The following WNK1 variants were observed in gnomAD, a reference collection of about 807,000 sequenced individuals.
WNK1 encodes the protein serine/threonine-protein kinase WNK1.
A neutral mutation model predicts 222.8 loss-of-function variants in WNK1; 38 were observed. The ratio of observed to expected loss-of-function variants is 0.17; its 90% CI spans 0.13 to 0.22. The LOEUF is 0.22. WNK1 is among the 10% of genes least tolerant of loss of function. The pLI is 1.00. For missense variants in WNK1, 2,348 were observed against 2,918.4 expected (o/e 0.80, Z 4.50); for synonymous variants, 1,090 against 1,092.9 (o/e 1.00, Z 0.05).
At chr12:908,208 T>A in intron 27 of WNK1, 174 bp downstream of exon 27, 2 of 904,458 alleles carry the variant, frequency 2.2e-6, no homozygotes, top group Non-Finnish European at 3.4e-6. Context: ...CCTGAATTCC[T>A]AACCTCTTGT....
In WNK1 at chr12:896,495, A is replaced by C; in HGVS notation, c.6008A>C (p.Glu2003Ala). The C allele has an allele frequency of 6.2e-7, 1 of 1,613,906 alleles. No individual in the cohort carries two copies. The highest frequency in any genetic ancestry group is 1.1e-5 in the South Asian group (1 of 91,066). The stretch of plus-strand genomic sequence containing the variant: ...AAGAAAGAGAAGCCTGAACTGTCAG[A>C]GCCTTCACATCTAAATGGGCCGTCT... ...IPKKEKPELS[E>A]PSHLNGPSSD... The change falls in exon 24 of 28, where the codon GAG (glutamate) becomes GCG (alanine). Residue 2003 changes from glutamate (E) to alanine (A), a missense_variant. Around this residue, in one of 13 missense-constraint regions of WNK1, gnomAD observed 1,144 missense variants for 1,273.6 expected, o/e 0.90. Coordinates refer to ENST00000315939, the MANE Select transcript of WNK1 (RefSeq NM_018979.4).
At chr12:800,143 C>CA (rs202123316) in intron 1 of WNK1, among the ~76,000 whole-genome samples, 4 of 150,828 alleles carry the variant, frequency 2.7e-5, no homozygotes, top group African/African-American at 7.3e-5. Context: ...GACCCTCTGT[C>CA]AAAAAAAAAT....
intron 4 of WNK1, among the ~76,000 whole-genome samples, chr12:835,635 TA>T (rs879538540): frequency 0.014 from 2,070 of 145,450 alleles, 18 homozygotes; most frequent in African/African-American, 0.017. Context: ...TCAGTTTTGT[TA>T]AAAAAAAAAA....
intron 2 of WNK1, among the ~76,000 whole-genome samples, chr12:817,063 G>T (rs1487200125): frequency 6.6e-6 from 1 of 152,146 alleles, no homozygotes; most frequent in African/African-American, 2.4e-5. Flanking sequence ...ATGGTCTAAC[G>T]GTTAAACAGC....
rs71051383 is a variant in WNK1, at chr12:786,469, C to CTT, written c.760-27159_760-27158dup. Reference sequence around the variant, plus strand: ...TGTTTTATTTGTTCCTCTATCTTCCCTTTTTTTTTTTTTTTGAGACAGAAT... The same window carrying CTT: ...TGTTTTATTTGTTCCTCTATCTTCCCTTTTTTTTTTTTTTTTTGAGACAGAAT... On this transcript the variant is annotated intron_variant, in intron 1 of 27. Transcript: ENST00000315939. Among the ~76,000 whole-genome samples the CTT allele has an allele frequency of 2.5e-3, 350 of 139,622 alleles. 3 individuals are homozygous for CTT. The highest frequency in any genetic ancestry group is 8.5e-3 in the East Asian group (41 of 4,832). The allele number at this position is 139,622 out of a possible 152,430, so 91.6% of individuals were successfully genotyped here.
At chr12:837,712 A>G (rs2158501) in intron 4 of WNK1, among the ~76,000 whole-genome samples, 75,323 of 152,008 alleles carry the variant, frequency 0.5, 19,283 homozygotes, top group East Asian at 0.81. Context: ...TTAGGTTGCA[A>G]TTAGTCCACA....
intron 1 of WNK1, among the ~76,000 whole-genome samples, chr12:764,225 C>A (rs1389864839): frequency 6.8e-6 from 1 of 147,722 alleles, no homozygotes; most frequent in East Asian, 2.0e-4. Context: ...AATAAAATTT[C>A]AAGAAAATAA....
At chr12:837,588 A>AGG (rs34618945) in intron 4 of WNK1, among the ~76,000 whole-genome samples, 1 of 133,464 alleles carries the variant, frequency 7.5e-6, no homozygotes, top group Non-Finnish European at 1.6e-5. Flanking sequence ...AAAAAAAAAA[A>AGG]AAAAGAAAAG....
At chr12:907,768 T>G in intron 26 of WNK1, 79 bp from the exon 27 acceptor site, 1 of 1,522,326 alleles carries the variant, frequency 6.6e-7, no homozygotes, top group South Asian at 1.1e-5. Flanking sequence ...TTGCCATTCA[T>G]CATCCCGTGA....
chr12:809,225 GAAAA>G (rs67749492), intron 1 of WNK1, among the ~76,000 whole-genome samples: 1 of 120,932 alleles, frequency 8.3e-6, no homozygotes. Flanking sequence ...TTCTTTTGAG[GAAAA>G]AAAAAAAAAA....
chr12:906,512 C>G, intron 26 of WNK1: 1 of 985,280 alleles, frequency 1.0e-6, no homozygotes, highest in Non-Finnish European at 1.2e-6. Context: ...CGGTGGGAAT[C>G]CTTGAGCCAA....
At chr12:774,622 A>G (rs1199507808) in intron 1 of WNK1, among the ~76,000 whole-genome samples, 1 of 152,200 alleles carries the variant, frequency 6.6e-6, no homozygotes, top group Non-Finnish European at 1.5e-5. Flanking sequence ...TTCTAAGGGC[A>G]TGATAAGGGC....
Position 774,217 on chromosome 12 carries a change from C to T in WNK1, c.759+19893C>T, listed in dbSNP as rs760809821. On this transcript the variant is annotated intron_variant, in intron 1 of 27. Coordinates refer to ENST00000315939, the MANE Select transcript of WNK1 (RefSeq NM_018979.4). ...GTAATAGGATCTTTGCACAATTTTC[C>T]GAAGGAAAGTTTTTACCATTATTGT... 4.6e-5 allele frequency among the ~76,000 whole-genome samples: 7 copies of T among 152,116 alleles called. 1 individual carries two copies. Among genetic ancestry groups the T allele is most frequent in the Non-Finnish European group, 7.4e-5 (5 of 68,020 alleles).
chr12:828,458 C>T (rs1051688265), intron 3 of WNK1, among the ~76,000 whole-genome samples: 4 of 152,090 alleles, frequency 2.6e-5, no homozygotes, highest in African/African-American at 9.7e-5. Flanking sequence ...AACCTCAATA[C>T]TACTGAGATT....
intron 9 of WNK1, chr12:877,902 A>G: frequency 5.3e-6 from 2 of 379,440 alleles, no homozygotes. Context: ...GGGGAAAGGA[A>G]CTGTCTGGAT....
chr12:906,644 T>C, intron 26 of WNK1: 1 of 985,302 alleles, frequency 1.0e-6, no homozygotes, highest in Non-Finnish European at 1.2e-6. Context: ...TGGGAGAGGT[T>C]AACCCCTCCC....
intron 27 of WNK1, 43 bp from the exon 28 acceptor site, chr12:908,432 C>T (rs765969898): frequency 6.3e-7 from 1 of 1,596,592 alleles, no homozygotes. Context: ...CATTTTATAC[C>T]ATGGCCCACA....
chr12:785,662 G>A (rs527360240), intron 1 of WNK1, among the ~76,000 whole-genome samples: 6 of 152,300 alleles, frequency 3.9e-5, no homozygotes, highest in Admixed American at 2.0e-4. Context: ...CTCCCAAAGT[G>A]CTGGGATTAC....
chr12:907,681 A>G, intron 26 of WNK1, 166 bp from the exon 27 acceptor site: 1 of 871,328 alleles, frequency 1.1e-6, no homozygotes. Flanking sequence ...TATTATACCA[A>G]AACAAATGGC....
Sources: allele counts gnomAD v4.1 joint callset (sites outside exome capture counted in the v4.1 genomes callset), GRCh38; gene constraint gnomAD v4.1.1; regional missense constraint gnomAD v4.1.1; transcripts MANE v1.5; gene names NCBI Gene and HGNC (gene_info 2026-07-23, HGNC 2026-07-21).